The following FAM83A variants were observed in gnomAD, a reference collection of about 807,000 sequenced individuals.
FAM83A encodes the protein scaffolding CK1 anchoring protein A.
A neutral mutation model predicts 24.4 loss-of-function variants in FAM83A; 21 were observed. That is an observed-to-expected ratio of 0.86 (90% CI 0.61 to 1.24). FAM83A has a LOEUF of 1.24. FAM83A is among the 50% of genes most tolerant of loss of function. The pLI, the probability that FAM83A is intolerant of heterozygous loss-of-function variation, is 0.00. For synonymous variants in FAM83A, 270 were observed against 252.4 expected, an observed-to-expected ratio of 1.07 and a Z score of -0.66; for missense variants, 617 against 579.8, an observed-to-expected ratio of 1.06 and a Z score of -0.66.
At chr8:123,194,120 T>G in exon 3 of FAM83A, 1 of 1,614,076 alleles carries the variant, frequency 6.2e-7, no homozygotes, top group South Asian at 1.1e-5. Flanking sequence ...CATCTCGGAC[T>G]GGAGATTTGT....
rs558354078 is a variant in FAM83A at position 123,189,425 on chromosome 8, T to G, written c.481-2378T>G. ...TATATTGCAATGATTAGAAAGATAG[T>G]GGAAACTTATTATTACAGGTAATCT... On this transcript the variant is annotated intron_variant, in intron 1 of 3. Transcript: ENST00000690554. Among the ~76,000 whole-genome samples the G allele has an allele frequency of 3.9e-5, 6 of 152,222 alleles. No individual in the cohort carries two copies. In the South Asian group the frequency reaches 8.3e-4, roughly 21 times the overall value.
exon 4 of FAM83A, chr8:123,208,662 C>G: frequency 1.0e-6 from 1 of 985,506 alleles, no homozygotes; most frequent in Non-Finnish European, 1.2e-6. Context: ...CCTGAGGGCA[C>G]AGCCTAGCTG....
chr8:123,203,794 A>T (rs777490922), intron 3 of FAM83A, among the ~76,000 whole-genome samples: 1 of 151,368 alleles, frequency 6.6e-6, no homozygotes, highest in African/African-American at 2.4e-5. Flanking sequence ...GAGGCAACAT[A>T]TGGTTAAAAA....
chr8:123,209,490 T>C lies in FAM83A; in HGVS notation c.*1802T>C, dbSNP rs758219940. 5.0e-6 allele frequency: 8 copies of C among 1,614,222 alleles called. No homozygotes were observed. The South Asian group carries it at 7.7e-5, about 16-fold the overall frequency. On this transcript the variant is annotated 3_prime_UTR_variant, in exon 4 of 4. Coordinates refer to ENST00000690554, the Ensembl canonical transcript of FAM83A. This position sits in a 1 kb window ranked among gnomAD's most constrained non-coding sequence, Gnocchi z 4.7. Reference sequence around the variant, plus strand: ...AAACAACACTTTGGTTCCTGATGGCTTTCTGAACCCAGCCCTGACCTTGTT... The same window carrying C: ...AAACAACACTTTGGTTCCTGATGGCCTTCTGAACCCAGCCCTGACCTTGTT...
intron 3 of FAM83A, among the ~76,000 whole-genome samples, chr8:123,205,569 G>A (rs1044573586): frequency 6.6e-6 from 1 of 152,220 alleles, no homozygotes; most frequent in Admixed American, 6.5e-5. Context: ...CTGGGCTGAG[G>A]CCAGGCCTTT....
chr8:123,195,534 A>T (rs1289495935), intron 3 of FAM83A, among the ~76,000 whole-genome samples: 1 of 152,216 alleles, frequency 6.6e-6, no homozygotes, highest in East Asian at 1.9e-4. Context: ...TTAAATTTGT[A>T]CAGTGTCTTA....
intron 1 of FAM83A, among the ~76,000 whole-genome samples, chr8:123,188,253 T>C (rs1563781223): frequency 6.6e-6 from 1 of 151,942 alleles, no homozygotes; most frequent in Non-Finnish European, 1.5e-5. Context: ...CTTTCTCCTC[T>C]TCTCTCGGTG....
exon 4 of FAM83A, chr8:123,207,797 A>G (rs1824615840): frequency 7.1e-7 from 1 of 1,399,522 alleles, no homozygotes; most frequent in African/African-American, 1.5e-5. Context: ...TTGAAAAGAC[A>G]CTCAAAATCA....
chr8:123,194,083 C>T (rs1310137595), exon 3 of FAM83A: 7 of 1,614,096 alleles, frequency 4.3e-6, no homozygotes, highest in South Asian at 2.2e-5. Context: ...GCAGGAAATT[C>T]GCTGGCCAAA....
intron 3 of FAM83A, chr8:123,202,464 C>T (rs1824396366): frequency 6.5e-6 from 1 of 153,170 alleles, no homozygotes; most frequent in African/African-American, 2.4e-5. Context: ...TCACTCCCAT[C>T]ATGATTTGGA....
At chr8:123,195,343 G>A (rs980820596) in intron 3 of FAM83A, among the ~76,000 whole-genome samples, 3 of 152,160 alleles carry the variant, frequency 2.0e-5, no homozygotes, top group African/African-American at 7.2e-5. Context: ...TCCAAAGCTA[G>A]GTGAAGCCAA....
At chr8:123,179,174 T>A (rs1823536450), upstream of FAM83A, 1 of 152,216 alleles carries the variant, frequency 6.6e-6, no homozygotes, top group African/African-American at 2.4e-5. Flanking sequence ...ATGGTTTGAA[T>A]GTGTCTCCTA....
intron 3 of FAM83A, among the ~76,000 whole-genome samples, chr8:123,200,269 G>A (rs1251765024): frequency 6.6e-6 from 1 of 152,156 alleles, no homozygotes. Flanking sequence ...GCTGCAGTCA[G>A]GCCCACCTTC....
intron 2 of FAM83A, 107 bp downstream of exon 2, chr8:123,192,077 T>C (rs1335338477): frequency 7.0e-6 from 9 of 1,293,340 alleles, no homozygotes; most frequent in African/African-American, 4.4e-5. Context: ...CTTAACACAA[T>C]AAAGGTTCAT....
intron 3 of FAM83A, among the ~76,000 whole-genome samples, chr8:123,206,475 C>T (rs985442111): frequency 6.6e-6 from 1 of 152,188 alleles, no homozygotes; most frequent in African/African-American, 2.4e-5. Flanking sequence ...GGGGCTTTCC[C>T]GACCCCTGTG....
intron 3 of FAM83A, among the ~76,000 whole-genome samples, chr8:123,200,968 A>ATATAT (rs1399935137): frequency 7.2e-6 from 1 of 138,982 alleles, no homozygotes; most frequent in Admixed American, 7.2e-5. Context: ...AAAAAAAAAA[A>ATATAT]ATATATATAT....
intron 3 of FAM83A, among the ~76,000 whole-genome samples, chr8:123,198,328 T>C (rs980650832): frequency 5.3e-5 from 8 of 152,126 alleles, no homozygotes; most frequent in African/African-American, 1.9e-4. Context: ...CATGGGGCAG[T>C]TATCTCTGTG....
chr8:123,208,139 GGAAA>G (rs1233160561), exon 4 of FAM83A: 14 of 995,396 alleles, frequency 1.4e-5, no homozygotes, highest in Non-Finnish European at 1.7e-5. Flanking sequence ...AAGAAATTCA[GGAAA>G]GAAAGACTGA....
chr8:123,189,970 A>T (rs540428370), intron 1 of FAM83A, among the ~76,000 whole-genome samples: 3 of 152,262 alleles, frequency 2.0e-5, no homozygotes, highest in Non-Finnish European at 2.9e-5. Context: ...GCTTACCTAC[A>T]ATCATGTACG....
Sources: allele counts gnomAD v4.1 joint callset (sites outside exome capture counted in the v4.1 genomes callset), GRCh38; gene constraint gnomAD v4.1.1; non-coding constraint Gnocchi (gnomAD v3.1); transcripts MANE v1.5; gene names NCBI Gene and HGNC (gene_info 2026-07-23, HGNC 2026-07-21).